Variants in MLLT3 observed in about 807,000 individuals in gnomAD.
MLLT3 encodes MLLT3 super elongation complex subunit.
Under a neutral mutation model 53.2 loss-of-function variants are expected in MLLT3, and 4 were observed. The observed-to-expected ratio is 0.08, with a 90% CI of 0.04 to 0.17. The LOEUF (loss-of-function observed/expected upper bound fraction) is 0.17. Ranked by LOEUF, MLLT3 falls within the 10% of genes least tolerant of loss-of-function variation. MLLT3 has a pLI of 1.00. For synonymous variants in MLLT3, 283 were observed against 230.6 expected (o/e 1.23, Z -2.06); for missense variants, 569 against 684.0 (o/e 0.83, Z 1.87).
intron 2 of MLLT3, among the ~76,000 whole-genome samples, chr9:20,487,871 G>A (rs1824853330): frequency 6.6e-6 from 1 of 152,066 alleles, no homozygotes; most frequent in Non-Finnish European, 1.5e-5. Flanking sequence ...ATTTGAGAGA[G>A]ATGAATATCA....
rs71334526 is a variant in MLLT3 at position 20,343,183 on chromosome 9, CAAAAAAAAA to C, written c.*3251_*3259del. ...TAGGTGGGCCTGTAAAAGATATCGG[CAAAAAAAAA>C]AAAAAAAAAAAAAAAAAAAAAATTT... On this transcript the variant is annotated 3_prime_UTR_variant, in exon 11 of 11. Transcript: ENST00000380338. 2,219 of 40,360 alleles carry C rather than the reference CAAAAAAAAA, an allele frequency of 0.055. 47 individuals are homozygous for C. The highest frequency in any genetic ancestry group is 0.091 in the African/African-American group (715 of 7,832). 2.5% of individuals were successfully genotyped at this position (40,360 alleles called of 1,614,324 possible).
chr9:20,618,738 T>C (rs1302545681), intron 2 of MLLT3, among the ~76,000 whole-genome samples: 1 of 152,044 alleles, frequency 6.6e-6, no homozygotes, highest in Non-Finnish European at 1.5e-5. Flanking sequence ...ACCCTCATGT[T>C]CCCTCAGGGC....
intron 2 of MLLT3, among the ~76,000 whole-genome samples, chr9:20,470,025 T>C (rs1824341312): frequency 6.6e-6 from 1 of 152,068 alleles, no homozygotes; most frequent in Admixed American, 6.5e-5. Context: ...TAGTCTAATT[T>C]ATTTATATAA....
chr9:20,356,243 T>C (rs567937629), intron 8 of MLLT3, among the ~76,000 whole-genome samples: 4 of 152,298 alleles, frequency 2.6e-5, no homozygotes, highest in African/African-American at 7.2e-5. Context: ...ACAATCATGC[T>C]TTTTTTCATC....
At position 20,621,809 on chromosome 9, in the gene MLLT3, C is replaced by G; in HGVS notation, c.12+436G>C. 7.0e-7 allele frequency: 1 copy of G among 1,437,950 alleles called. No homozygotes were observed. Among genetic ancestry groups the G allele is most frequent in the Non-Finnish European group, 9.0e-7 (1 of 1,107,404 alleles). 89.1% of individuals were successfully genotyped at this position (1,437,950 alleles called of 1,614,324 possible). A position where few individuals can be genotyped will look rare whatever the true frequency, so the allele number is the denominator to read the frequency against. ...CCGCGGCGCTTTGCGGAGGTGCGGC[C>G]GCCGAGGCTGCTCGCCGCGTCCCCG... is the stretch of plus-strand genomic sequence containing the variant. On this transcript the variant is annotated intron_variant, in intron 1 of 10. Transcript: ENST00000380338. The surrounding 1 kb of genome is among the most constrained non-coding windows in gnomAD (Gnocchi z 7.0).
At chr9:20,375,602 TTTC>T (rs796223055) in intron 5 of MLLT3, among the ~76,000 whole-genome samples, 2 of 108,206 alleles carry the variant, frequency 1.8e-5, no homozygotes, top group Non-Finnish European at 3.0e-5. Flanking sequence ...TTTTTTTTTT[TTTC>T]TTTTCTTTTT....
intron 5 of MLLT3, among the ~76,000 whole-genome samples, chr9:20,387,080 C>G (rs1448189007): frequency 6.6e-6 from 1 of 152,198 alleles, no homozygotes; most frequent in Non-Finnish European, 1.5e-5. Context: ...TTTCTTACTT[C>G]GGATCCTCTA....
At chr9:20,385,650 T>C (rs1822015546) in intron 5 of MLLT3, among the ~76,000 whole-genome samples, 2 of 152,146 alleles carry the variant, frequency 1.3e-5, no homozygotes, top group African/African-American at 4.8e-5. Flanking sequence ...AAATCTCAGC[T>C]GAAAATTTTG....
At chr9:20,415,880 A>T (rs1447238630) in intron 4 of MLLT3, among the ~76,000 whole-genome samples, 2 of 151,996 alleles carry the variant, frequency 1.3e-5, no homozygotes, top group African/African-American at 4.8e-5. Context: ...GTTTCTTAAT[A>T]AATTTTTTTT....
intron 2 of MLLT3, among the ~76,000 whole-genome samples, chr9:20,535,103 C>T (rs183461755): frequency 8.0e-4 from 122 of 152,224 alleles, no homozygotes; most frequent in African/African-American, 2.6e-3. Flanking sequence ...CGGGGCCACA[C>T]GGCAGGTCAG....
chr9:20,558,843 G>C (rs185755815), intron 2 of MLLT3, among the ~76,000 whole-genome samples: 2 of 152,336 alleles, frequency 1.3e-5, no homozygotes, highest in Non-Finnish European at 2.9e-5. Context: ...GTTTCCACAA[G>C]ACTGGGACCA....
At chr9:20,414,566 A>C in intron 4 of MLLT3, 141 bp from the exon 5 acceptor site, 11 of 1,227,278 alleles carry the variant, frequency 9.0e-6, no homozygotes, top group Non-Finnish European at 5.6e-6. Context: ...ATAAACCAAA[A>C]ACCACAATAT....
intron 2 of MLLT3, among the ~76,000 whole-genome samples, chr9:20,553,141 T>C (rs1348393546): frequency 2.0e-5 from 3 of 152,302 alleles, no homozygotes; most frequent in South Asian, 2.1e-4. Context: ...TCTAAAGTAT[T>C]AAAGTTTTAT....
intron 2 of MLLT3, among the ~76,000 whole-genome samples, chr9:20,542,768 A>T (rs1818676442): frequency 6.6e-6 from 1 of 152,178 alleles, no homozygotes. Context: ...TGTCCTTTGA[A>T]GATTTGAAGC....
chr9:20,583,756 G>GCA (rs1442727516), intron 2 of MLLT3, among the ~76,000 whole-genome samples: 1 of 152,144 alleles, frequency 6.6e-6, no homozygotes, highest in Non-Finnish European at 1.5e-5. Context: ...TCCCTATGCT[G>GCA]CACACAGCAT....
intron 2 of MLLT3, among the ~76,000 whole-genome samples, chr9:20,576,188 G>A (rs1052589651): frequency 1.2e-4 from 18 of 152,170 alleles, no homozygotes; most frequent in African/African-American, 4.1e-4. Flanking sequence ...ACCTCTCTCA[G>A]CATTCAGAGT....
At position 20,621,688 on chromosome 9, in the gene MLLT3, C is replaced by G. The variant is rs1821014962; in HGVS notation, c.12+557G>C. 7.3e-7 allele frequency: 1 copy of G among 1,374,586 alleles called. No homozygotes were observed. The highest frequency in any genetic ancestry group is 9.7e-7 in the Non-Finnish European group (1 of 1,031,852). The allele number at this position is 1,374,586 out of a possible 1,614,324, so 85.1% of individuals were successfully genotyped here. A position where few individuals can be genotyped will look rare whatever the true frequency, so the allele number is the denominator to read the frequency against. On this transcript the variant is annotated intron_variant, in intron 1 of 10. Coordinates refer to ENST00000380338, the MANE Select transcript of MLLT3 (RefSeq NM_004529.4). The surrounding 1 kb of genome is among the most constrained non-coding windows in gnomAD (Gnocchi z 7.0). Reference sequence around the variant, plus strand: ...GCCTCGGCTCGCGCTCAGCACCTCCCGGCGCTGGGGCAAAGTTGCGTGCGG... The same window carrying G: ...GCCTCGGCTCGCGCTCAGCACCTCCGGGCGCTGGGGCAAAGTTGCGTGCGG...
intron 2 of MLLT3, among the ~76,000 whole-genome samples, chr9:20,585,764 G>A (rs1415664201): frequency 1.3e-5 from 2 of 152,148 alleles, no homozygotes; most frequent in African/African-American, 4.8e-5. Flanking sequence ...GTGGTCTCAT[G>A]GTCATCTTGG....
chr9:20,414,303 G>GCTGCTGCTA lies in MLLT3; in HGVS notation c.534_542dup (p.Ser188_Ser190dup), dbSNP rs780013387. 14 of 1,610,476 alleles carry GCTGCTGCTA rather than the reference G, an allele frequency of 8.7e-6. No individual in the cohort carries two copies. The highest frequency in any genetic ancestry group is 1.2e-5 in the Non-Finnish European group (14 of 1,178,668). On this transcript the variant is annotated inframe_insertion, in exon 5 of 11. Coordinates refer to ENST00000380338, the MANE Select transcript of MLLT3 (RefSeq NM_004529.4). ...TACTGCTGCTGCTGCTGCTGCTACT[G>GCTGCTGCTA]CTGCTGCTACTGCTGCTGCTGCTGC... is the stretch of plus-strand genomic sequence containing the variant.
Sources: allele counts gnomAD v4.1 joint callset (sites outside exome capture counted in the v4.1 genomes callset), GRCh38; gene constraint gnomAD v4.1.1; non-coding constraint Gnocchi (gnomAD v3.1); transcripts MANE v1.5; gene names NCBI Gene and HGNC (gene_info 2026-07-23, HGNC 2026-07-21).